Variants in SPEF2 observed in about 807,000 individuals in gnomAD.
SPEF2 encodes the protein sperm flagella and cilia-associated protein 2.
A neutral mutation model predicts 224.6 loss-of-function variants in SPEF2; 187 were observed. That is an observed-to-expected ratio of 0.83 (90% CI 0.74 to 0.94). The LOEUF (loss-of-function observed/expected upper bound fraction) is 0.94. Among genes scored for constraint, SPEF2 ranks in the 40% least tolerant of loss-of-function variants. The pLI is 0.00. For synonymous variants in SPEF2, 715 were observed against 707.3 expected (o/e 1.01, Z -0.17); for missense variants, 2,170 against 2,135.6 (o/e 1.02, Z -0.32).
chr5:35,761,930 T>C (rs1444126278), intron 25 of SPEF2, among the ~76,000 whole-genome samples: 1 of 152,178 alleles, frequency 6.6e-6, no homozygotes, highest in African/African-American at 2.4e-5. Flanking sequence ...ACTGGAACTA[T>C]CAGTCAATCA....
chr5:35,792,188 A>G (rs903678989), intron 30 of SPEF2, 152 bp from the exon 31 acceptor site: 5 of 480,220 alleles, frequency 1.0e-5, no homozygotes, highest in Non-Finnish European at 1.4e-5. Flanking sequence ...TAATTTTTAT[A>G]TTTCCAAAAT....
intron 14 of SPEF2, 109 bp downstream of exon 14, chr5:35,695,905 G>A: frequency 1.4e-6 from 1 of 715,360 alleles, no homozygotes. Flanking sequence ...CTCTTCTTTG[G>A]TTTCAAAGTT....
intron 2 of SPEF2, among the ~76,000 whole-genome samples, chr5:35,632,213 T>C (rs1171006806): frequency 6.6e-6 from 1 of 152,178 alleles, no homozygotes; most frequent in Admixed American, 6.5e-5. Flanking sequence ...GCTATAAATA[T>C]ATACCCGAGA....
chr5:35,704,721 C>A, intron 17 of SPEF2, 59 bp downstream of exon 17: 1 of 1,013,752 alleles, frequency 9.9e-7, no homozygotes, highest in Non-Finnish European at 1.5e-6. Context: ...AGATTGACAA[C>A]AACTTTGGAA....
At chr5:35,631,474 A>T (rs1351693183) in intron 2 of SPEF2, among the ~76,000 whole-genome samples, 1 of 152,232 alleles carries the variant, frequency 6.6e-6, no homozygotes, top group Non-Finnish European at 1.5e-5. Context: ...ACAAGTGATG[A>T]TAAGGACATG....
At position 35,779,245 on chromosome 5, in the gene SPEF2, C is replaced by CA; in HGVS notation, c.4347dup (p.Ser1450IlefsTer18). ...ATAAAAGTCTTCCCAGATCCTCCCC[C>CA]ATCAATACGTCCTCCACCTGTAGAA... On this transcript the variant is annotated frameshift_variant, in exon 30 of 37. Transcript: ENST00000356031. LOFTEE classifies it high-confidence loss of function. The CA allele has an allele frequency of 6.2e-7, 1 of 1,613,950 alleles. No homozygotes were observed. The highest frequency in any genetic ancestry group is 2.2e-5 in the East Asian group (1 of 44,870).
intron 10 of SPEF2, 153 bp downstream of exon 10, chr5:35,670,380 T>G (rs1048484302): frequency 7.2e-7 from 1 of 1,382,180 alleles, no homozygotes; most frequent in Non-Finnish European, 9.3e-7. Flanking sequence ...TTTGTACTAC[T>G]TTTTAGATGC....
intron 6 of SPEF2, 45 bp downstream of exon 6, chr5:35,649,470 C>A (rs1488502152): frequency 7.2e-7 from 1 of 1,398,386 alleles, no homozygotes; most frequent in Non-Finnish European, 9.9e-7. Flanking sequence ...GCATTCTGTT[C>A]TACACATAGC....
intron 25 of SPEF2, among the ~76,000 whole-genome samples, chr5:35,762,335 T>C (rs1046209046): frequency 3.3e-5 from 5 of 152,214 alleles, no homozygotes; most frequent in African/African-American, 1.2e-4. Flanking sequence ...ATACATGTTG[T>C]ACTGTATTAA....
At chr5:35,665,438 AGAGG>A (rs1294414020) in intron 8 of SPEF2, among the ~76,000 whole-genome samples, 5 of 141,336 alleles carry the variant, frequency 3.5e-5, no homozygotes, top group Admixed American at 1.4e-4. Context: ...GGAGAGGAAC[AGAGG>A]GAGGGAGGGA....
chr5:35,673,148 AC>A (rs1751420365), intron 10 of SPEF2, among the ~76,000 whole-genome samples: 1 of 152,152 alleles, frequency 6.6e-6, no homozygotes, highest in Non-Finnish European at 1.5e-5. Flanking sequence ...CCACAGCATA[AC>A]AACATTGAGT....
At chr5:35,787,260 C>CTT (rs542133921) in intron 30 of SPEF2, among the ~76,000 whole-genome samples, 37,261 of 140,772 alleles carry the variant, frequency 0.26, 5,114 homozygotes, top group African/African-American at 0.34. Flanking sequence ...GCTTCACACC[C>CTT]TTTTTTTTTT....
intron 29 of SPEF2, 117 bp from the exon 30 acceptor site, chr5:35,779,000 G>T: frequency 1.7e-6 from 1 of 596,358 alleles, no homozygotes; most frequent in Non-Finnish European, 2.7e-6. Context: ...GCATGCAGAT[G>T]GAGTTGTCTA....
chr5:35,744,344 A>T (rs558097853), intron 23 of SPEF2, among the ~76,000 whole-genome samples: 3 of 152,244 alleles, frequency 2.0e-5, no homozygotes, highest in Non-Finnish European at 4.4e-5. Flanking sequence ...CTTGCTAAAT[A>T]AAGTGTGAAA....
intron 30 of SPEF2, among the ~76,000 whole-genome samples, chr5:35,782,649 A>G (rs1230865473): frequency 6.6e-6 from 1 of 152,144 alleles, no homozygotes; most frequent in African/African-American, 2.4e-5. Context: ...AATGCTTTAA[A>G]TACTTGCAAC....
chr5:35,795,084 G>A (rs908972856), intron 32 of SPEF2, among the ~76,000 whole-genome samples: 1 of 151,814 alleles, frequency 6.6e-6, no homozygotes, highest in Non-Finnish European at 1.5e-5. Flanking sequence ...TGTCGAAAAC[G>A]CCCCATTAGG....
chr5:35,794,855 C>T (rs1173361220), intron 32 of SPEF2, among the ~76,000 whole-genome samples: 1 of 152,110 alleles, frequency 6.6e-6, no homozygotes, highest in African/African-American at 2.4e-5. Flanking sequence ...CTTCTTTGAA[C>T]ACTACCTGTG....
intron 2 of SPEF2, among the ~76,000 whole-genome samples, chr5:35,634,212 A>G (rs536585424): frequency 1.3e-5 from 2 of 152,228 alleles, no homozygotes; most frequent in Admixed American, 1.3e-4. Context: ...AGCTATGTTA[A>G]CAATGAGTTA....
At chr5:35,777,646 A>T (rs996913093) in intron 29 of SPEF2, among the ~76,000 whole-genome samples, 2 of 148,798 alleles carry the variant, frequency 1.3e-5, no homozygotes, top group African/African-American at 5.0e-5. Flanking sequence ...CAAGAAGTTA[A>T]AACCTAGAAA....
Sources: allele counts gnomAD v4.1 joint callset (sites outside exome capture counted in the v4.1 genomes callset), GRCh38; gene constraint gnomAD v4.1.1; transcripts MANE v1.5; gene names NCBI Gene and HGNC (gene_info 2026-07-23, HGNC 2026-07-21).